C1orf116: variants seen among roughly 807,000 people sequenced by gnomAD.
C1orf116 encodes specifically androgen-regulated gene protein.
A neutral mutation model predicts 14.1 loss-of-function variants in C1orf116; 12 were observed. The ratio of observed to expected loss-of-function variants is 0.85; its 90% CI spans 0.54 to 1.38. The LOEUF is 1.38. C1orf116 is among the 40% of genes most tolerant of loss of function. The pLI is 0.00. For synonymous variants in C1orf116, 296 were observed against 299.0 expected, an observed-to-expected ratio of 0.99 and a Z score of 0.10; for missense variants, 797 against 747.0, an observed-to-expected ratio of 1.07 and a Z score of -0.78.
intron 3 of C1orf116, among the ~76,000 whole-genome samples, chr1:207,024,637 G>C (rs1682014800): frequency 6.6e-6 from 1 of 152,174 alleles, no homozygotes; most frequent in Admixed American, 6.5e-5. Context: ...AATGGGAGCT[G>C]GTCAAACCCC....
chr1:207,023,300 C>T lies in C1orf116; in HGVS notation c.464G>A (p.Ser155Asn). 1.2e-6 allele frequency: 2 copies of T among 1,614,186 alleles called. No homozygotes were observed. Among genetic ancestry groups the T allele is most frequent in the Middle Eastern group, 1.6e-4 (1 of 6,062 alleles). The change falls in exon 4 of 4, where the codon AGT becomes AAT. Residue 155 changes from serine (S) to asparagine (N), a missense_variant. By Grantham distance (46) the Ser-to-Asn change is conservative. Transcript: ENST00000359470. ...CCTCCCCGGTTCTCCAGGGTTGTGA[C>T]TGCTAGCCTGGGTGGTGCTTTTCCT... ...NFRKSTTQAS[S>N]HNPGEPGRLA...
At chr1:207,027,351 C>T (rs1682109809) in intron 2 of C1orf116, 143 bp downstream of exon 2, 1 of 1,049,264 alleles carries the variant, frequency 9.5e-7, no homozygotes, top group Non-Finnish European at 1.4e-6. Context: ...CAGAAAGCAC[C>T]CACTGGTGTT....
rs1210658707 is a variant in C1orf116, at chr1:207,018,540, G to A, written c.*3418C>T. 1 of 152,206 alleles carries A rather than the reference G, an allele frequency of 6.6e-6. No homozygotes were observed. Among genetic ancestry groups the A allele is most frequent in the Non-Finnish European group, 1.5e-5 (1 of 68,042 alleles). 9.4% of individuals were successfully genotyped at this position (152,206 alleles called of 1,614,324 possible). A position where few individuals can be genotyped will look rare whatever the true frequency, so the allele number is the denominator to read the frequency against. The stretch of plus-strand genomic sequence containing the variant: ...CCAGAAGGTAGTATTATCATTTATT[G>A]AGTAGCTACACTGTGGCCAGAACTA... On this transcript the variant is annotated 3_prime_UTR_variant, in exon 4 of 4. Coordinates refer to ENST00000359470, the MANE Select transcript of C1orf116 (RefSeq NM_023938.6).
chr1:207,022,429 G>GA lies in C1orf116; in HGVS notation c.1334dup (p.Lys447Ter). On this transcript the variant is annotated frameshift_variant, in exon 4 of 4. Transcript: ENST00000359470. LOFTEE classifies it low-confidence loss of function (END_TRUNC). ...CACTGTTTGCCCTTGGGGCCTTAGG[G>GA]ATAGAAATTGGCATAGATTTGCTAG... 1 of 1,614,264 alleles carries GA rather than the reference G, an allele frequency of 6.2e-7. No homozygotes were observed. Among genetic ancestry groups the GA allele is most frequent in the East Asian group, 2.2e-5 (1 of 44,890 alleles).
Position 207,020,754 on chromosome 1 carries a change from C to T in C1orf116, c.*1204G>A, listed in dbSNP as rs1279519056. ...GAAGGCACTTTGAGATCTTGAAGGG[C>T]CTTAGGGTTGAGTCTTTGATGGTGA... is the stretch of plus-strand genomic sequence containing the variant. On this transcript the variant is annotated 3_prime_UTR_variant, in exon 4 of 4. Transcript: ENST00000359470. 1 of 152,136 alleles carries T rather than the reference C, an allele frequency of 6.6e-6. No individual in the cohort carries two copies. Among genetic ancestry groups the T allele is most frequent in the East Asian group, 1.9e-4 (1 of 5,202 alleles). The allele number at this position is 152,136 out of a possible 1,614,324, so 9.4% of individuals were successfully genotyped here. A position where few individuals can be genotyped will look rare whatever the true frequency, so the allele number is the denominator to read the frequency against.
At position 207,025,081 on chromosome 1, in the gene C1orf116, TGGGGGCGGGGGCGGGGAGGCGGGGGG is replaced by T; in HGVS notation, c.106-43_106-18del. 1.9e-5 allele frequency: 1 copy of T among 51,904 alleles called. No individual in the cohort carries two copies. The highest frequency in any genetic ancestry group is 5.9e-4 in the African/African-American group (1 of 1,694). 3.2% of individuals were successfully genotyped at this position (51,904 alleles called of 1,614,324 possible). On this transcript the variant is annotated intron_variant, in intron 2 of 3. Transcript: ENST00000359470. The stretch of plus-strand genomic sequence containing the variant: ...GCTATCACTCTGTTGGGTTTGGGGT[TGGGGGCGGGGGCGGGGAGGCGGGGGG>T]GAGGGCGAGAAGAAGAACAGGAGAG...
chr1:207,027,422 G>A (rs997942233), intron 2 of C1orf116, 72 bp downstream of exon 2: 19 of 1,579,726 alleles, frequency 1.2e-5, no homozygotes, highest in Non-Finnish European at 1.6e-5. Flanking sequence ...TGGCAGGAAA[G>A]GATAGGGCAG....
chr1:207,025,962 G>C (rs988809619), intron 2 of C1orf116, among the ~76,000 whole-genome samples: 9 of 152,200 alleles, frequency 5.9e-5, no homozygotes, highest in African/African-American at 1.9e-4. Flanking sequence ...TACTGTCTAT[G>C]TTGTATGGGG....
chr1:207,027,674 C>A lies in C1orf116; in HGVS notation c.-76G>T. The A allele has an allele frequency of 1.9e-6, 3 of 1,575,402 alleles. No homozygotes were observed. Among genetic ancestry groups the A allele is most frequent in the Non-Finnish European group, 2.6e-6 (3 of 1,163,982 alleles). Reference sequence around the variant, plus strand: ...GAGGGGAAGTGAACAATGTCCCAAGCCGGGCCTGAAAAGAGAAGAATCAAA... The same window carrying A: ...GAGGGGAAGTGAACAATGTCCCAAGACGGGCCTGAAAAGAGAAGAATCAAA... On this transcript the variant is annotated 5_prime_UTR_variant, in exon 2 of 4. Transcript: ENST00000359470.
Position 207,022,446 on chromosome 1 carries a change from A to T in C1orf116, c.1318T>A (p.Ser440Thr). Residue 440 changes from serine to threonine, a missense_variant, in exon 4 of 4, where the codon TCT (serine) becomes ACT (threonine). Coordinates refer to ENST00000359470, the MANE Select transcript of C1orf116 (RefSeq NM_023938.6). ...GCCTTAGGGATAGAAATTGGCATAG[A>T]TTTGCTAGCTGCAACATTGCCTGGA... ...PAPGNVAASK[S>T]MPISIPKAPR... The T allele has an allele frequency of 1.2e-6, 2 of 1,614,154 alleles. No homozygotes were observed. The highest frequency in any genetic ancestry group is 1.7e-6 in the Non-Finnish European group (2 of 1,180,026).
chr1:207,030,133 T>A (rs2102306041), intron 1 of C1orf116, among the ~76,000 whole-genome samples: 1 of 152,352 alleles, frequency 6.6e-6, no homozygotes, highest in South Asian at 2.1e-4. Flanking sequence ...TGCCATAGCT[T>A]GCAAAGTACT....
At chr1:207,031,618 T>C (rs958560817) in intron 1 of C1orf116, among the ~76,000 whole-genome samples, 1 of 152,172 alleles carries the variant, frequency 6.6e-6, no homozygotes, top group African/African-American at 2.4e-5. Flanking sequence ...AGATGGATAA[T>C]GGAGAGGCAA....
At position 207,024,961 on chromosome 1, in the gene C1orf116, G is replaced by A. The variant is rs761472958; in HGVS notation, c.209C>T (p.Ser70Phe). 4.0e-5 allele frequency: 64 copies of A among 1,613,968 alleles called. No individual in the cohort carries two copies. The East Asian group carries it at 1.4e-3, about 34-fold the overall frequency. The change falls in exon 3 of 4, where the codon TCC (serine) becomes TTC (phenylalanine). Residue 70 changes from serine (S) to phenylalanine (F), a missense_variant. Transcript: ENST00000359470. ...SLDTEADSGL[S>F]TDESEPATTP... ...TGTGGCTGGCTCAGACTCGTCAGTGGACAGTCCGCTGTCAGCCTCCGTGTC... is the reference window on the plus strand; with the variant it reads ...TGTGGCTGGCTCAGACTCGTCAGTGAACAGTCCGCTGTCAGCCTCCGTGTC...
rs1553247547 is a variant in C1orf116, at chr1:207,022,044, A to T, written c.1720T>A (p.Cys574Ser). 3.1e-6 allele frequency: 5 copies of T among 1,599,956 alleles called. No homozygotes were observed. In the East Asian group the frequency reaches 6.7e-5, roughly 21 times the overall value. The change falls in exon 4 of 4, where the codon TGT becomes AGT. Residue 574 changes from cysteine (C) to serine (S), a missense_variant. Cys to Ser is a moderately radical substitution (Grantham distance 112). Coordinates refer to ENST00000359470, the MANE Select transcript of C1orf116 (RefSeq NM_023938.6). Reference sequence around the variant, plus strand: ...TTTGGGGAGATCTTGACACTGACACAGGGGGGGCGAGGAAGCTTGTCACGG... The same window carrying T: ...TTTGGGGAGATCTTGACACTGACACTGGGGGGGCGAGGAAGCTTGTCACGG... Reference protein sequence around the residue: ...QSRDKLPRPPCVSVKISPKGV... With the variant: ...QSRDKLPRPPSVSVKISPKGV...
intron 2 of C1orf116, among the ~76,000 whole-genome samples, chr1:207,026,775 CACA>C (rs1369725097): frequency 2.6e-5 from 4 of 152,230 alleles, no homozygotes; most frequent in Non-Finnish European, 5.9e-5. Context: ...ACACCAGCCT[CACA>C]ACAACTGAGA....
In C1orf116 at chr1:207,026,489, C is replaced by T. The variant is rs11120078; in HGVS notation, c.105+1005G>A. The stretch of plus-strand genomic sequence containing the variant: ...CCTCAGCCTAAAAGACATAGAAAGA[C>T]GTCTCCACAGCCCCATTATCTAGGG... On this transcript the variant is annotated intron_variant, in intron 2 of 3. Transcript: ENST00000359470. Among the ~76,000 whole-genome samples the T allele has an allele frequency of 3.0e-3, 461 of 152,300 alleles. 3 individuals carry two copies. Among genetic ancestry groups the T allele is most frequent in the African/African-American group, 0.01 (431 of 41,556 alleles).
In C1orf116 at chr1:207,022,366, G is replaced by A; in HGVS notation, c.1398C>T (p.Leu466=). 2 of 1,614,092 alleles carry A rather than the reference G, an allele frequency of 1.2e-6. No individual in the cohort carries two copies. Among genetic ancestry groups the A allele is most frequent in the Non-Finnish European group, 8.5e-7 (1 of 1,179,988 alleles). The change falls in exon 4 of 4, where the codon CTC becomes CTT. Residue 466 remains leucine (L), a synonymous_variant. Transcript: ENST00000359470. The part of the protein sequence containing the change: ...TPPKPESGLT[L]QESNTPGLRQ... The stretch of plus-strand genomic sequence containing the variant: ...TCAGGCCAGGGGTGTTGCTCTCCTG[G>A]AGAGTCAGCCCTGACTCTGGCTTCG...
chr1:207,022,239 G>T lies in C1orf116; in HGVS notation c.1525C>A (p.Leu509Met). The change falls in exon 4 of 4, where the codon CTG (leucine) becomes ATG (methionine). Residue 509 changes from leucine to methionine, a missense_variant. Transcript: ENST00000359470. ...TTGTCCAAGAAGGAGCCCTTTCCCA[G>T]AGAAGTGCTGGTTTTGGGGCTGGCA... ...KDASPKTSTS[L>M]GKGSFLDKIS... 2 of 1,614,026 alleles carry T rather than the reference G, an allele frequency of 1.2e-6. No homozygotes were observed. Among genetic ancestry groups the T allele is most frequent in the Non-Finnish European group, 8.5e-7 (1 of 1,179,978 alleles).
At chr1:207,025,141 A>G in intron 2 of C1orf116, 77 bp from the exon 3 acceptor site, 1 of 1,127,650 alleles carries the variant, frequency 8.9e-7, no homozygotes. Context: ...AGGGAGAGAG[A>G]GCTGTGAGAA....
Sources: allele counts gnomAD v4.1 joint callset (sites outside exome capture counted in the v4.1 genomes callset), GRCh38; gene constraint gnomAD v4.1.1; transcripts MANE v1.5; gene names NCBI Gene and HGNC (gene_info 2026-07-23, HGNC 2026-07-21).